INPP4B: variants seen among roughly 807,000 people sequenced by gnomAD.
INPP4B encodes inositol polyphosphate-4-phosphatase type II B.
In INPP4B, 55 loss-of-function variants were observed where a neutral mutation model predicts 122.5. The ratio of observed to expected loss-of-function variants is 0.45; its 90% CI spans 0.36 to 0.56. The LOEUF (loss-of-function observed/expected upper bound fraction) is 0.56, where lower values mean the gene tolerates loss of function less well. Among genes scored for constraint, INPP4B ranks in the 20% least tolerant of loss-of-function variants. The pLI, the probability that INPP4B is intolerant of heterozygous loss-of-function variation, is 0.00. For synonymous variants in INPP4B, 403 were observed against 388.7 expected (o/e 1.04, Z -0.43); for missense variants, 1,000 against 1,097.7 (o/e 0.91, Z 1.26).
rs538894685 is a variant in INPP4B, at chr4:142,257,143, C to T, written c.688+3349G>A. ...CAATAGATGCAGAAAAGGCCTTTGA[C>T]AAAATTCAACAACCCTTCATGCTAA... On this transcript the variant is annotated intron_variant, in intron 11 of 25. Transcript: ENST00000262992. Among the ~76,000 whole-genome samples the T allele has an allele frequency of 4.5e-3, 689 of 152,168 alleles. 9 individuals are homozygous for T. The highest frequency in any genetic ancestry group is 7.5e-3 in the Non-Finnish European group (508 of 67,994).
At chr4:142,522,745 T>A (rs1215441163) in intron 2 of INPP4B, among the ~76,000 whole-genome samples, 1 of 152,084 alleles carries the variant, frequency 6.6e-6, no homozygotes. Flanking sequence ...CATGTCAGAC[T>A]GACCTTCATT....
At chr4:142,142,653 AG>A (rs1373668512) in intron 18 of INPP4B, among the ~76,000 whole-genome samples, 10 of 152,282 alleles carry the variant, frequency 6.6e-5, no homozygotes, top group Middle Eastern at 3.4e-3. Flanking sequence ...GGATGTCATC[AG>A]AAGGACACAG....
chr4:142,257,700 A>G (rs1477239883), intron 11 of INPP4B, among the ~76,000 whole-genome samples: 2 of 152,246 alleles, frequency 1.3e-5, no homozygotes, highest in African/African-American at 4.8e-5. Flanking sequence ...TCAAGGAAAT[A>G]AAAGAGGATA....
At chr4:142,174,324 C>T (rs895156905) in intron 15 of INPP4B, among the ~76,000 whole-genome samples, 5 of 152,060 alleles carry the variant, frequency 3.3e-5, no homozygotes, top group African/African-American at 1.2e-4. Context: ...CGTTAGTAGT[C>T]ATTCATATAA....
chr4:142,720,797 C>CTATATATATATATA (rs1170460036), intron 2 of INPP4B, among the ~76,000 whole-genome samples: 1 of 29,358 alleles, frequency 3.4e-5, no homozygotes, highest in African/African-American at 1.2e-4. Context: ...CTCTCTCTCT[C>CTATATATATATATA]TCTCTCTCTC....
At position 142,422,968 on chromosome 4, in the gene INPP4B, A is replaced by T. The variant is rs566798181; in HGVS notation, c.136+6205T>A. ...TTATTGCATCCTATGTGGTGAAGTA[A>T]GAGTTTTATCAATAGAATAAATGCA... On this transcript the variant is annotated intron_variant, in intron 5 of 25. Coordinates refer to ENST00000262992, the MANE Select transcript of INPP4B (RefSeq NM_001101669.3). Among the ~76,000 whole-genome samples, 3 of 152,256 alleles carry T rather than the reference A, an allele frequency of 2.0e-5. No individual in the cohort carries two copies. The South Asian group carries it at 6.2e-4, about 31-fold the overall frequency.
At position 142,467,330 on chromosome 4, in the gene INPP4B, G is replaced by A. The variant is rs981181751; in HGVS notation, c.-190-4604C>T. 2.6e-5 allele frequency among the ~76,000 whole-genome samples: 4 copies of A among 152,198 alleles called. No homozygotes were observed. The East Asian group carries it at 5.8e-4, about 22-fold the overall frequency. On this transcript the variant is annotated intron_variant, in intron 2 of 25. Coordinates refer to ENST00000262992, the MANE Select transcript of INPP4B (RefSeq NM_001101669.3). ...GGCAGGGCTTCCTCAGGCCATGAGA[G>A]TCCAGCCCTCACACCAGGATGTGGG... is the stretch of plus-strand genomic sequence containing the variant.
chr4:142,365,502 A>C (rs916991242), intron 7 of INPP4B, among the ~76,000 whole-genome samples: 12 of 152,196 alleles, frequency 7.9e-5, no homozygotes, highest in Non-Finnish European at 1.8e-4. Flanking sequence ...TTAAGCTTTT[A>C]GATTCCTTCT....
At chr4:142,507,217 G>A (rs1824146459) in intron 2 of INPP4B, among the ~76,000 whole-genome samples, 1 of 152,080 alleles carries the variant, frequency 6.6e-6, no homozygotes, top group Non-Finnish European at 1.5e-5. Context: ...CTTCAGGATG[G>A]GCATGGTGTC....
At chr4:142,280,437 A>G (rs1288559579) in intron 9 of INPP4B, among the ~76,000 whole-genome samples, 1 of 152,024 alleles carries the variant, frequency 6.6e-6, no homozygotes, top group Non-Finnish European at 1.5e-5. Flanking sequence ...AAGTTATCCC[A>G]AAAGATTATA....
intron 3 of INPP4B, among the ~76,000 whole-genome samples, chr4:142,433,284 T>G (rs1447221721): frequency 6.6e-6 from 1 of 151,372 alleles, no homozygotes; most frequent in African/African-American, 2.5e-5. Context: ...CTTGCAAAAT[T>G]TTTTCACAAT....
At chr4:142,262,705 T>C (rs34564415) in intron 10 of INPP4B, among the ~76,000 whole-genome samples, 12,803 of 152,226 alleles carry the variant, frequency 0.084, 771 homozygotes, top group South Asian at 0.21. Flanking sequence ...TAGGTGATAT[T>C]TTTGATGAAT....
rs183289462 is a variant in INPP4B, at chr4:142,394,984, G to A, written c.372+7954C>T. On this transcript the variant is annotated intron_variant, in intron 7 of 25. Transcript: ENST00000262992. ...GAAATTCATAATTAAACTTACTTCCGTTTCTACCATCAAAAAGTCAGTCTT... is the reference window on the plus strand; with the variant it reads ...GAAATTCATAATTAAACTTACTTCCATTTCTACCATCAAAAAGTCAGTCTT... Among the ~76,000 whole-genome samples the A allele has an allele frequency of 1.1e-4, 16 of 152,090 alleles. No individual in the cohort carries two copies. The East Asian group carries it at 1.9e-3, about 18-fold the overall frequency.
rs551755516 is a variant in INPP4B, at chr4:142,314,927, T to G, written c.373-165A>C. On this transcript the variant is annotated intron_variant, in intron 7 of 25. Transcript: ENST00000262992. ...AACACCTGCGGCAGTGCAATGAAGC[T>G]GTGCTGTTACAGTTCCTGAACTTCC... is the stretch of plus-strand genomic sequence containing the variant. Among the ~76,000 whole-genome samples the G allele has an allele frequency of 2.0e-5, 3 of 152,326 alleles. No homozygotes were observed. In the East Asian group the frequency reaches 5.8e-4, roughly 29 times the overall value.
At chr4:142,449,750 T>G (rs1171342246) in intron 3 of INPP4B, among the ~76,000 whole-genome samples, 2 of 151,480 alleles carry the variant, frequency 1.3e-5, no homozygotes, top group Non-Finnish European at 1.5e-5. Context: ...TTATGCACAC[T>G]TAATCTTGAC....
intron 2 of INPP4B, among the ~76,000 whole-genome samples, chr4:142,703,656 C>G (rs142320638): frequency 2.0e-5 from 3 of 152,116 alleles, no homozygotes; most frequent in African/African-American, 7.2e-5. Context: ...CATGTCTCAT[C>G]GTTTCTGAAA....
chr4:142,760,029 C>G (rs971038445), intron 1 of INPP4B, among the ~76,000 whole-genome samples: 2 of 151,738 alleles, frequency 1.3e-5, no homozygotes, highest in African/African-American at 4.8e-5. Flanking sequence ...GAAAGAAAAC[C>G]AGAAATTCTA....
intron 1 of INPP4B, among the ~76,000 whole-genome samples, chr4:142,793,312 C>A (rs1776803863): frequency 1.3e-5 from 2 of 151,540 alleles, no homozygotes; most frequent in South Asian, 4.1e-4. Flanking sequence ...CTGACTTGTC[C>A]ATTCTTGTAT....
intron 2 of INPP4B, among the ~76,000 whole-genome samples, chr4:142,477,196 CT>C (rs1266804368): frequency 6.6e-6 from 1 of 152,120 alleles, no homozygotes; most frequent in Non-Finnish European, 1.5e-5. Context: ...CCTAAATGAC[CT>C]TTTGGTAACC....
Sources: gnomAD v4.1 joint callset for allele counts (sites outside exome capture counted in the v4.1 genomes callset) on GRCh38, gnomAD v4.1.1 for gene constraint, MANE v1.5 for transcripts, NCBI Gene and HGNC (gene_info 2026-07-23, HGNC 2026-07-21) for gene names.